THNSL1: variants seen among roughly 807,000 people sequenced by gnomAD.
THNSL1 encodes the protein threonine synthase like 1.
In THNSL1, 48 loss-of-function variants were observed where a neutral mutation model predicts 50.4. That is an observed-to-expected ratio of 0.95 (90% CI 0.76 to 1.21). The LOEUF (loss-of-function observed/expected upper bound fraction) is 1.21, where lower values mean the gene tolerates loss of function less well. Ranked by LOEUF, THNSL1 falls within the 50% of genes most tolerant of loss-of-function variation. THNSL1 has a pLI of 0.00. For missense variants in THNSL1, 896 were observed against 871.7 expected (o/e 1.03, Z -0.35); for synonymous variants, 309 against 306.1 (o/e 1.01, Z -0.10).
Position 25,024,801 on chromosome 10 carries a change from G to C in THNSL1, c.1578G>C (p.Pro526=), listed in dbSNP as rs762321693. 7 of 1,614,016 alleles carry C rather than the reference G, an allele frequency of 4.3e-6. No individual in the cohort carries two copies. In the African/African-American group the frequency reaches 6.7e-5, roughly 15 times the overall value. The stretch of plus-strand genomic sequence containing the variant: ...TGTATGCCAAAATGATGGGAATCCC[G>C]ATTCGAAAATTTATCTGTGCCTCTA... ...AAVYAKMMGI[P]IRKFICASNQ... The change falls in exon 3 of 3, where the codon CCG becomes CCC. Residue 526 remains proline, a synonymous_variant. Transcript: ENST00000376356.
the THNSL1 span, among the ~76,000 whole-genome samples, chr10:24,959,929 C>T: frequency 6.6e-6 from 1 of 152,142 alleles, no homozygotes; most frequent in Non-Finnish European, 1.5e-5. Context: ...TAAGGCCTTT[C>T]TCATCTTGTG....
chr10:25,013,400 CATAATT>C (rs1212749914), upstream of THNSL1, among the ~76,000 whole-genome samples: 1 of 152,220 alleles, frequency 6.6e-6, no homozygotes, highest in Non-Finnish European at 1.5e-5. Flanking sequence ...GAATCAGCTA[CATAATT>C]AGAGGATGGG....
rs1411374338 is a variant in THNSL1 at position 25,023,243 on chromosome 10, G to A, written c.20G>A (p.Cys7Tyr). 2.5e-6 allele frequency: 4 copies of A among 1,612,198 alleles called. No homozygotes were observed. The highest frequency in any genetic ancestry group is 2.2e-5 in the East Asian group (1 of 44,876). The change falls in exon 3 of 3, where the codon TGT (cysteine) becomes TAT (tyrosine). Residue 7 changes from cysteine (C) to tyrosine (Y), a missense_variant. Transcript: ENST00000376356. Reference sequence around the variant, plus strand: ...AAGAGAATGCTCCACTTTAACCGATGTCATCATCTGAAAAAGATAACACAG... The same window carrying A: ...AAGAGAATGCTCCACTTTAACCGATATCATCATCTGAAAAAGATAACACAG... MLHFNR[C>Y]HHLKKITQKC...
At chr10:24,970,650 C>A in the THNSL1 span, among the ~76,000 whole-genome samples, 3 of 151,964 alleles carry the variant, frequency 2.0e-5, no homozygotes, top group Non-Finnish European at 4.4e-5. Context: ...GAGTTCAAGG[C>A]TGCAGTGAAC....
the THNSL1 span, among the ~76,000 whole-genome samples, chr10:24,995,473 T>A: frequency 6.6e-6 from 1 of 152,244 alleles, no homozygotes; most frequent in African/African-American, 2.4e-5. Context: ...GGGTTCTTTG[T>A]AACTTCATCC....
At chr10:24,991,546 C>T in the THNSL1 span, among the ~76,000 whole-genome samples, 10 of 152,108 alleles carry the variant, frequency 6.6e-5, no homozygotes, top group Non-Finnish European at 1.5e-4. Flanking sequence ...GCCGGCAGGC[C>T]ATCGATCAGT....
At chr10:25,005,252 T>A in the THNSL1 span, among the ~76,000 whole-genome samples, 1 of 152,208 alleles carries the variant, frequency 6.6e-6, no homozygotes, top group African/African-American at 2.4e-5. Context: ...GGGCTAAAGA[T>A]AAGTTATTCT....
chr10:24,989,529 A>T, the THNSL1 span, among the ~76,000 whole-genome samples: 1 of 152,228 alleles, frequency 6.6e-6, no homozygotes. Flanking sequence ...TCACATCTAT[A>T]CATGTACATA....
the THNSL1 span, among the ~76,000 whole-genome samples, chr10:25,000,728 C>A: frequency 6.6e-6 from 1 of 152,054 alleles, no homozygotes; most frequent in Non-Finnish European, 1.5e-5. Flanking sequence ...TTTATCCAGC[C>A]ACCAATCACT....
chr10:24,976,776 G>A, the THNSL1 span, among the ~76,000 whole-genome samples: 2 of 152,100 alleles, frequency 1.3e-5, no homozygotes, highest in African/African-American at 4.8e-5. Context: ...TTACAGGTGT[G>A]AGCCACCACA....
the THNSL1 span, among the ~76,000 whole-genome samples, chr10:24,992,536 C>T: frequency 1.2e-4 from 18 of 152,242 alleles, no homozygotes; most frequent in Admixed American, 3.9e-4. Flanking sequence ...TGCCACTTCT[C>T]GATAGGAGTC....
At chr10:25,006,171 C>T in the THNSL1 span, among the ~76,000 whole-genome samples, 2 of 152,158 alleles carry the variant, frequency 1.3e-5, no homozygotes, top group African/African-American at 4.8e-5. Context: ...GATAGCTGCA[C>T]ACCCAGAGCA....
At chr10:25,017,061 C>T (rs1013577346) in intron 1 of THNSL1, among the ~76,000 whole-genome samples, 2 of 152,184 alleles carry the variant, frequency 1.3e-5, no homozygotes, top group Admixed American at 6.5e-5. Context: ...GGGCGGTCCT[C>T]CGGGTCGGCT....
At chr10:24,995,992 T>C in the THNSL1 span, 1 of 758,624 alleles carries the variant, frequency 1.3e-6, no homozygotes, top group South Asian at 2.7e-5. Flanking sequence ...TATTTAAATA[T>C]TTAAGATAGA....
At chr10:24,987,759 G>C in the THNSL1 span, among the ~76,000 whole-genome samples, 34 of 152,226 alleles carry the variant, frequency 2.2e-4, no homozygotes, top group Non-Finnish European at 4.0e-4. Flanking sequence ...ATGAGTTTTA[G>C]TCCCTATTGA....
chr10:24,955,570 T>A, the THNSL1 span, among the ~76,000 whole-genome samples: 1 of 152,126 alleles, frequency 6.6e-6, no homozygotes, highest in African/African-American at 2.4e-5. Context: ...TGTAAGATAT[T>A]ATTAACCTGA....
the THNSL1 span, among the ~76,000 whole-genome samples, chr10:24,978,980 T>C: frequency 1.3e-5 from 2 of 152,218 alleles, no homozygotes; most frequent in Non-Finnish European, 2.9e-5. Context: ...CCATAGCACA[T>C]TTCAGCAGAA....
At position 25,023,898 on chromosome 10, in the gene THNSL1, T is replaced by C; in HGVS notation, c.675T>C (p.Asp225=). Residue 225 remains aspartate, a synonymous_variant, in exon 3 of 3, where the codon GAT becomes GAC. Transcript: ENST00000376356. ...KVLNAIKRYQ[D]VDSETFISTR... ...TGAATGCAATTAAAAGATACCAAGA[T>C]GTGGACTCGGAAACATTCATTTCAA... 6.2e-7 allele frequency: 1 copy of C among 1,614,188 alleles called. No individual in the cohort carries two copies. Among genetic ancestry groups the C allele is most frequent in the Non-Finnish European group, 8.5e-7 (1 of 1,180,008 alleles).
chr10:24,963,307 C>T, the THNSL1 span, among the ~76,000 whole-genome samples: 4 of 152,304 alleles, frequency 2.6e-5, no homozygotes, highest in Admixed American at 1.3e-4. Flanking sequence ...CTTTTGTATT[C>T]TGTTTTTCTG....
Sources: allele counts gnomAD v4.1 joint callset (sites outside exome capture counted in the v4.1 genomes callset), GRCh38; gene constraint gnomAD v4.1.1; transcripts MANE v1.5; gene names NCBI Gene and HGNC (gene_info 2026-07-23, HGNC 2026-07-21).